The following PCDH1 variants were observed in gnomAD, a reference collection of about 807,000 sequenced individuals.
PCDH1 encodes the protein protocadherin-1.
Under a neutral mutation model 74.6 loss-of-function variants are expected in PCDH1, and 23 were observed. The ratio of observed to expected loss-of-function variants is 0.31; its 90% confidence interval spans 0.22 to 0.44. The LOEUF is 0.44. Among genes scored for constraint, PCDH1 ranks in the 20% least tolerant of loss-of-function variants. The pLI is 1.00. For synonymous variants in PCDH1, 647 were observed against 686.1 expected (o/e 0.94, Z 0.89); for missense variants, 1,214 against 1,641.4 (o/e 0.74, Z 4.50).
In PCDH1 at chr5:141,865,327, T is replaced by C. The variant is rs1186865999; in HGVS notation, c.1004A>G (p.Asn335Ser). Residue 335 changes from asparagine (N) to serine (S), a missense_variant, in exon 3 of 5, where the codon AAC (asparagine) becomes AGC (serine). This residue lies in a region of PCDH1 where 836 missense variants were observed against 1,182.2 expected (regional missense o/e 0.71). Coordinates refer to ENST00000287008, the MANE Select transcript of PCDH1 (RefSeq NM_032420.5). The surrounding 1 kb of genome is among the most constrained non-coding windows in gnomAD (Gnocchi z 4.4). ...GCCCTGAACAGTGATAAGTCCAGTG[T>C]TCCTGTCCAGTCGAAGAAGACGCCT... ...VVRRLLRLDR[N>S]TGLITVQGPV... is the part of the protein sequence containing the mutation. The C allele has an allele frequency of 6.2e-7, 1 of 1,614,210 alleles. No homozygotes were observed. Among genetic ancestry groups the C allele is most frequent in the Non-Finnish European group, 8.5e-7 (1 of 1,180,034 alleles).
chr5:141,861,939 G>A (rs1752582481), intron 3 of PCDH1, among the ~76,000 whole-genome samples: 1 of 152,098 alleles, frequency 6.6e-6, no homozygotes, highest in Admixed American at 6.5e-5. Flanking sequence ...AGCATCACAG[G>A]CGGAAGGCAG....
chr5:141,864,972 C>G lies in PCDH1; in HGVS notation c.1359G>C (p.Lys453Asn). 6.2e-7 allele frequency: 1 copy of G among 1,614,156 alleles called. No individual in the cohort carries two copies. Among genetic ancestry groups the G allele is most frequent in the Non-Finnish European group, 8.5e-7 (1 of 1,180,038 alleles). The change falls in exon 3 of 5, where the codon AAG (lysine) becomes AAC (asparagine). Residue 453 changes from lysine to asparagine, a missense_variant. Physicochemically the swap from Lys to Asn is moderately conservative, Grantham distance 94. Coordinates refer to ENST00000287008, the MANE Select transcript of PCDH1 (RefSeq NM_032420.5). This position sits in a 1 kb window ranked among gnomAD's most constrained non-coding sequence, Gnocchi z 5.9. ...TGGTAGTCTGCAGGAAATACTTCTT[C>G]TTGCTGTCACTGCCTGTCTCACTGG... ...RQASETGSDSKKKYFLQTTTP... is the reference protein window; with the variant it reads ...RQASETGSDSNKKYFLQTTTP...
At chr5:141,873,403 G>T (rs540963729) in intron 1 of PCDH1, among the ~76,000 whole-genome samples, 56 of 149,692 alleles carry the variant, frequency 3.7e-4, no homozygotes, top group Non-Finnish European at 6.4e-4. Flanking sequence ...CTCCCAAAGT[G>T]CTAGGATTAC....
chr5:141,861,062 C>T (rs1327525787), intron 3 of PCDH1, among the ~76,000 whole-genome samples: 1 of 132,560 alleles, frequency 7.5e-6, no homozygotes, highest in African/African-American at 2.8e-5. Context: ...TTGCAGTGAG[C>T]TGAGATCGTG....
chr5:141,870,463 C>G lies in PCDH1; in HGVS notation c.41-1032G>C, dbSNP rs543556980. Among the ~76,000 whole-genome samples the G allele has an allele frequency of 1.1e-4, 16 of 152,308 alleles. 1 individual carries two copies. In the South Asian group the frequency reaches 2.9e-3, roughly 28 times the overall value. On this transcript the variant is annotated intron_variant, in intron 1 of 4. Transcript: ENST00000287008. ...AGCTGCCCTGGCCTGTCCTTAGCAA[C>G]AGGGAGCCCAGCAGGTCTAACTGGG...
chr5:141,869,126 C>T lies in PCDH1; in HGVS notation c.346G>A (p.Asp116Asn), dbSNP rs775060779. 7 of 1,613,690 alleles carry T rather than the reference C, an allele frequency of 4.3e-6. No individual in the cohort carries two copies. The highest frequency in any genetic ancestry group is 1.3e-5 in the African/African-American group (1 of 74,776). The change falls in exon 2 of 5, where the codon GAC becomes AAC. Residue 116 changes from aspartate (D) to asparagine (N), a missense_variant. By Grantham distance (23) the Asp-to-Asn change is conservative (BLOSUM62 1). This residue lies in a region of PCDH1 where 97 missense variants were observed against 173.2 expected (regional missense o/e 0.56). Coordinates refer to ENST00000287008, the MANE Select transcript of PCDH1 (RefSeq NM_032420.5). This position sits in a 1 kb window ranked among gnomAD's most constrained non-coding sequence, Gnocchi z 4.9. ...TGGCATTCACGGAGCCCCTCACGGT[C>T]GATGGAGGTCTCGGTGGTGAAAATG... ...GDIFTTETSI[D>N]REGLRECQNQ... is the part of the protein sequence containing the mutation.
intron 4 of PCDH1, among the ~76,000 whole-genome samples, chr5:141,856,550 C>T (rs568422141): frequency 4.6e-5 from 7 of 152,220 alleles, no homozygotes; most frequent in East Asian, 1.9e-4. Context: ...CTGCCATGGA[C>T]GACTTCACAC....
At chr5:141,855,766 C>T (rs554858430) in intron 4 of PCDH1, among the ~76,000 whole-genome samples, 93 of 152,334 alleles carry the variant, frequency 6.1e-4, no homozygotes, top group Middle Eastern at 3.4e-3. Context: ...AAACCAGCCA[C>T]CACCCCTGGC....
Position 141,869,211 on chromosome 5 carries a change from C to A in PCDH1, c.261G>T (p.Gly87=). Residue 87 remains glycine, a synonymous_variant, in exon 2 of 5, where the codon GGG becomes GGT. Coordinates refer to ENST00000287008, the MANE Select transcript of PCDH1 (RefSeq NM_032420.5). The surrounding 1 kb of genome is among the most constrained non-coding windows in gnomAD (Gnocchi z 4.9). Reference sequence around the variant, plus strand: ...CACCCACCTCTAGCTTGTACAGGTGCCCCACATCTGGAAAACCATAGTCGG... The same window carrying A: ...CACCCACCTCTAGCTTGTACAGGTGACCCACATCTGGAAAACCATAGTCGG... ...LAADYGFPDV[G]HLYKLEVGAP... The A allele has an allele frequency of 6.2e-7, 1 of 1,613,944 alleles. No individual in the cohort carries two copies. The highest frequency in any genetic ancestry group is 8.5e-7 in the Non-Finnish European group (1 of 1,179,982).
rs768041893 is a variant in PCDH1 at position 141,865,345 on chromosome 5, A to G, written c.986T>C (p.Leu329Pro). The change falls in exon 3 of 5, where the codon CTT becomes CCT. Residue 329 changes from leucine to proline, a missense_variant. Transcript: ENST00000287008. This position sits in a 1 kb window ranked among gnomAD's most constrained non-coding sequence, Gnocchi z 4.4. ...TCCAGTGTTCCTGTCCAGTCGAAGA[A>G]GACGCCTCACAACTTCGGGCGCCTG... ...FHQAPEVVRR[L>P]LRLDRNTGLI... The G allele has an allele frequency of 1.2e-6, 2 of 1,614,070 alleles. No homozygotes were observed. Among genetic ancestry groups the G allele is most frequent in the Non-Finnish European group, 1.7e-6 (2 of 1,180,050 alleles).
rs548181154 is a variant in PCDH1, at chr5:141,869,992, T to C, written c.41-561A>G. On this transcript the variant is annotated intron_variant, in intron 1 of 4. Coordinates refer to ENST00000287008, the MANE Select transcript of PCDH1 (RefSeq NM_032420.5). The surrounding 1 kb of genome is among the most constrained non-coding windows in gnomAD (Gnocchi z 4.9). ...CCTTGACTTGTCACACTGGGCTCCA[T>C]TAAGGTTGGCTGGAGGGAGAGGGGA... 3.9e-5 allele frequency among the ~76,000 whole-genome samples: 6 copies of C among 152,280 alleles called. No individual in the cohort carries two copies. The highest frequency in any genetic ancestry group is 1.4e-4 in the African/African-American group (6 of 41,560).
intron 3 of PCDH1, among the ~76,000 whole-genome samples, chr5:141,862,017 A>G (rs955496689): frequency 6.6e-6 from 1 of 151,598 alleles, no homozygotes; most frequent in African/African-American, 2.4e-5. Flanking sequence ...GGTCAATGCA[A>G]AGAACTTAGG....
At chr5:141,856,757 C>A (rs1358075290) in intron 4 of PCDH1, among the ~76,000 whole-genome samples, 1 of 152,096 alleles carries the variant, frequency 6.6e-6, no homozygotes, top group Non-Finnish European at 1.5e-5. Context: ...CCCAGCATAT[C>A]GTCACTCCAT....
chr5:141,856,848 C>T (rs950659595), intron 4 of PCDH1, among the ~76,000 whole-genome samples: 3 of 152,204 alleles, frequency 2.0e-5, no homozygotes, highest in African/African-American at 7.2e-5. Context: ...CACCCACCTT[C>T]TCAAGGTTTC....
rs565364894 is a variant in PCDH1, at chr5:141,875,008, C to T, written c.40+3215G>A. ...GTCAGATCGTTGGGGTTAGAACCCT[C>T]GCTCCACCACTTCCTAGCTGTGTGA... On this transcript the variant is annotated intron_variant, in intron 1 of 4. Coordinates refer to ENST00000287008, the MANE Select transcript of PCDH1 (RefSeq NM_032420.5). 3.9e-5 allele frequency among the ~76,000 whole-genome samples: 6 copies of T among 152,182 alleles called. No homozygotes were observed. The East Asian group carries it at 9.7e-4, about 24-fold the overall frequency.
At chr5:141,867,893 C>T (rs971563883) in intron 2 of PCDH1, among the ~76,000 whole-genome samples, 2 of 152,240 alleles carry the variant, frequency 1.3e-5, no homozygotes, top group Non-Finnish European at 2.9e-5. Flanking sequence ...ACCAAGCTGC[C>T]TAGCGCCTGG....
chr5:141,857,221 G>A lies in PCDH1; in HGVS notation c.3319+31C>T, dbSNP rs755282292. The A allele has an allele frequency of 4.0e-6, 6 of 1,508,608 alleles. No homozygotes were observed. In the South Asian group the frequency reaches 7.6e-5, roughly 19 times the overall value. 93.5% of individuals were successfully genotyped at this position (1,508,608 alleles called of 1,614,324 possible). On this transcript the variant is annotated intron_variant, in intron 4 of 4. Coordinates refer to ENST00000287008, the MANE Select transcript of PCDH1 (RefSeq NM_032420.5). ...CATTCCCAGGCTTCCACTCATTCCT[G>A]GGGTGCCCTGACCATGGTGCTGCGC...
chr5:141,874,480 G>C (rs1753170547), intron 1 of PCDH1, among the ~76,000 whole-genome samples: 1 of 152,236 alleles, frequency 6.6e-6, no homozygotes, highest in Admixed American at 6.5e-5. Context: ...GAGCCTGAGG[G>C]GGAACAGGCG....
rs142395032 is a variant in PCDH1 at position 141,865,228 on chromosome 5, C to A, written c.1103G>T (p.Ser368Ile). Residue 368 changes from serine to isoleucine, a missense_variant, in exon 3 of 5, where the codon AGT becomes ATT. Physicochemically the swap from Ser to Ile is moderately radical, Grantham distance 142 (BLOSUM62 -2). Around this residue, in one of 4 missense-constraint regions of PCDH1, gnomAD observed 836 missense variants for 1,182.2 expected, o/e 0.71. Transcript: ENST00000287008. This position sits in a 1 kb window ranked among gnomAD's most constrained non-coding sequence, Gnocchi z 4.4. Reference protein sequence around the residue: ...LAKDRGTNPKSARAQVVVTVK... With the variant: ...LAKDRGTNPKIARAQVVVTVK... The stretch of plus-strand genomic sequence containing the variant: ...GGTCACAACCACCTGGGCACGGGCA[C>A]TCTTGGGGTTGGTGCCTCGGTCCTT... 54 of 1,614,080 alleles carry A rather than the reference C, an allele frequency of 3.3e-5. 1 individual carries two copies. In the South Asian group the frequency reaches 5.7e-4, roughly 17 times the overall value.
Sources: gnomAD v4.1 joint callset for allele counts (sites outside exome capture counted in the v4.1 genomes callset) on GRCh38, gnomAD v4.1.1 for gene constraint, gnomAD v4.1.1 regional missense constraint, Gnocchi (gnomAD v3.1) non-coding constraint, MANE v1.5 for transcripts, NCBI Gene and HGNC (gene_info 2026-07-23, HGNC 2026-07-21) for gene names.